CCDC149: variants seen among roughly 807,000 people sequenced by gnomAD.
CCDC149 encodes the protein coiled-coil domain containing 149.
Under a neutral mutation model 59.9 loss-of-function variants are expected in CCDC149, and 45 were observed. That is an observed-to-expected ratio of 0.75 (90% CI 0.59 to 0.96). CCDC149 has a LOEUF of 0.96. Among genes scored for constraint, CCDC149 ranks in the 40% least tolerant of loss-of-function variants. The pLI, the probability that CCDC149 is intolerant of heterozygous loss-of-function variation, is 0.00. For missense variants in CCDC149, 584 were observed against 664.7 expected (o/e 0.88, Z 1.33); for synonymous variants, 245 against 260.6 (o/e 0.94, Z 0.58).
At chr4:24,969,341 A>C (rs1723893612) in intron 1 of CCDC149, among the ~76,000 whole-genome samples, 1 of 152,200 alleles carries the variant, frequency 6.6e-6, no homozygotes, top group South Asian at 2.1e-4. Flanking sequence ...GCCAACCAAC[A>C]GAACACCATC....
chr4:24,899,123 A>G (rs534304762), intron 1 of CCDC149, among the ~76,000 whole-genome samples: 3 of 152,326 alleles, frequency 2.0e-5, no homozygotes, highest in South Asian at 2.1e-4. Context: ...TTCCTAGAAG[A>G]TATTCCAGGG....
At chr4:24,856,593 C>T (rs1397235224) in intron 3 of CCDC149, among the ~76,000 whole-genome samples, 1 of 152,166 alleles carries the variant, frequency 6.6e-6, no homozygotes, top group African/African-American at 2.4e-5. Flanking sequence ...TCCCTCTCTC[C>T]CTCACCCCAT....
intron 1 of CCDC149, among the ~76,000 whole-genome samples, chr4:24,884,379 C>G (rs1278725676): frequency 6.6e-6 from 1 of 152,154 alleles, no homozygotes; most frequent in African/African-American, 2.4e-5. Flanking sequence ...GCGGACTATA[C>G]CATGTAGGTT....
intron 1 of CCDC149, among the ~76,000 whole-genome samples, chr4:24,879,523 A>C (rs1411158860): frequency 2.0e-5 from 3 of 151,028 alleles, no homozygotes; most frequent in Admixed American, 2.0e-4. Flanking sequence ...GTCTCAAAAA[A>C]AAAAAAAAAA....
intron 1 of CCDC149, among the ~76,000 whole-genome samples, chr4:24,935,963 G>A (rs1722728370): frequency 6.6e-6 from 1 of 152,176 alleles, no homozygotes; most frequent in Non-Finnish European, 1.5e-5. Flanking sequence ...CAGTGAGTAA[G>A]CAGAAGTAAC....
chr4:24,905,935 C>G lies in CCDC149; in HGVS notation c.63+6882G>C, dbSNP rs1227724916. On this transcript the variant is annotated intron_variant, in intron 1 of 12. Transcript: ENST00000635206. ...CCCTTGCCCTGGACTTGCCCCTTCTCTCTTTCCCCATTCCCATGGGCTGGG... is the reference window on the plus strand; with the variant it reads ...CCCTTGCCCTGGACTTGCCCCTTCTGTCTTTCCCCATTCCCATGGGCTGGG... 2.0e-5 allele frequency among the ~76,000 whole-genome samples: 3 copies of G among 152,216 alleles called. No individual in the cohort carries two copies. The East Asian group carries it at 5.8e-4, about 29-fold the overall frequency.
intron 12 of CCDC149, among the ~76,000 whole-genome samples, chr4:24,816,100 TTTTC>T (rs1714999792): frequency 6.6e-6 from 1 of 152,102 alleles, no homozygotes; most frequent in Non-Finnish European, 1.5e-5. Context: ...TTTAATTTTT[TTTTC>T]TTTGAGACAG....
At chr4:24,879,475 C>T (rs919262256) in intron 1 of CCDC149, among the ~76,000 whole-genome samples, 7 of 150,930 alleles carry the variant, frequency 4.6e-5, no homozygotes, top group African/African-American at 9.8e-5. Flanking sequence ...CGAGATCGCA[C>T]CATTGCACAC....
At chr4:24,843,863 C>T (rs962400848) in intron 4 of CCDC149, among the ~76,000 whole-genome samples, 1 of 152,128 alleles carries the variant, frequency 6.6e-6, no homozygotes, top group South Asian at 2.1e-4. Context: ...CTCCTACCTG[C>T]CTCCTGACCC....
At chr4:24,921,477 A>G (rs183880614) in intron 1 of CCDC149, among the ~76,000 whole-genome samples, 2 of 152,332 alleles carry the variant, frequency 1.3e-5, no homozygotes, top group Admixed American at 6.5e-5. Flanking sequence ...AGAGCTCTCT[A>G]TGGCTCTCCT....
At chr4:24,867,080 G>A (rs1009449980) in intron 3 of CCDC149, among the ~76,000 whole-genome samples, 1 of 152,170 alleles carries the variant, frequency 6.6e-6, no homozygotes, top group African/African-American at 2.4e-5. Context: ...ACAAGCTAGA[G>A]GGGTCTGGAA....
intron 3 of CCDC149, among the ~76,000 whole-genome samples, chr4:24,862,933 T>C (rs1718469729): frequency 6.6e-6 from 1 of 152,150 alleles, no homozygotes; most frequent in Non-Finnish European, 1.5e-5. Context: ...GGCCCGTCAC[T>C]GAACCTAACA....
intron 1 of CCDC149, among the ~76,000 whole-genome samples, chr4:24,889,559 C>T (rs559638896): frequency 5.8e-4 from 89 of 152,300 alleles, no homozygotes; most frequent in Non-Finnish European, 1.1e-3. Flanking sequence ...TTGCCAGGGG[C>T]CTGAGGTCTG....
chr4:24,968,126 G>A (rs757852153), intron 1 of CCDC149, among the ~76,000 whole-genome samples: 6 of 152,228 alleles, frequency 3.9e-5, no homozygotes, highest in African/African-American at 9.6e-5. Context: ...CCTACAGGTC[G>A]TTGACCAGGG....
At chr4:24,930,941 C>T (rs1471848724) in intron 1 of CCDC149, among the ~76,000 whole-genome samples, 1 of 152,098 alleles carries the variant, frequency 6.6e-6, no homozygotes, top group Admixed American at 6.5e-5. Flanking sequence ...ATAGAAGGCT[C>T]TTGCTCTTCA....
chr4:24,922,031 G>A (rs1164826136), intron 1 of CCDC149, among the ~76,000 whole-genome samples: 2 of 152,184 alleles, frequency 1.3e-5, no homozygotes, highest in African/African-American at 4.8e-5. Flanking sequence ...ATCTGTTCCA[G>A]ATGCTTTCGG....
In CCDC149 at chr4:24,808,156, A is replaced by G; in HGVS notation, c.*233T>C. On this transcript the variant is annotated 3_prime_UTR_variant, in exon 13 of 13. Transcript: ENST00000635206. ...TGGGCCTGGCCCTGTTCACAGTAGC[A>G]CTCTCTGGCAGAAAAGAGATGACAC... The G allele has an allele frequency of 2.7e-6, 1 of 369,494 alleles. No homozygotes were observed. Among genetic ancestry groups the G allele is most frequent in the Non-Finnish European group, 4.8e-6 (1 of 207,598 alleles). 22.9% of individuals were successfully genotyped at this position (369,494 alleles called of 1,614,324 possible). A position where few individuals can be genotyped will look rare whatever the true frequency, so the allele number is the denominator to read the frequency against.
rs756744923 is a variant in CCDC149 at position 24,826,382 on chromosome 4, C to T, written c.966-3809G>A. On this transcript the variant is annotated intron_variant, in intron 9 of 12. Coordinates refer to ENST00000635206, the MANE Select transcript of CCDC149 (RefSeq NM_001330643.2). ...GCAGAAAGATCAGTTAGAAGGGCAT[C>T]GTCCAGGTGGCGTTGATATGGTCCA... is the stretch of plus-strand genomic sequence containing the variant. Among the ~76,000 whole-genome samples the T allele has an allele frequency of 1.8e-4, 28 of 152,090 alleles. 1 individual carries two copies. The highest frequency in any genetic ancestry group is 1.5e-3 in the South Asian group (7 of 4,826).
intron 1 of CCDC149, among the ~76,000 whole-genome samples, chr4:24,976,131 T>C (rs1724182437): frequency 6.6e-6 from 1 of 152,202 alleles, no homozygotes; most frequent in South Asian, 2.1e-4. Context: ...GATTTTTCAG[T>C]TATTTGAGCC....
Sources: gnomAD v4.1 joint callset for allele counts (sites outside exome capture counted in the v4.1 genomes callset) on GRCh38, gnomAD v4.1.1 for gene constraint, MANE v1.5 for transcripts, NCBI Gene and HGNC (gene_info 2026-07-23, HGNC 2026-07-21) for gene names.